VWDE: variants seen among roughly 807,000 people sequenced by gnomAD.
VWDE encodes von Willebrand factor D and EGF domains, also known as von Willebrand factor D and EGF domain-containing protein.
VWDE carries 207 observed loss-of-function variants against 178.4 expected under a neutral mutation model. The ratio of observed to expected loss-of-function variants is 1.16; its 90% CI spans 1.04 to 1.30. The LOEUF (loss-of-function observed/expected upper bound fraction) is 1.30, where lower values mean the gene tolerates loss of function less well. Among genes scored for constraint, VWDE ranks in the 50% most tolerant of loss-of-function variants. The probability of loss-of-function intolerance (pLI) is 0.00; values close to 1 mark genes in which losing one functional copy is unlikely to be tolerated. For missense variants in VWDE, 2,287 were observed against 1,901.3 expected (o/e 1.20, Z -3.77); for synonymous variants, 738 against 651.4 (o/e 1.13, Z -2.02).
chr7:12,345,979 A>G (rs1020145167), intron 19 of VWDE, among the ~76,000 whole-genome samples: 1 of 152,142 alleles, frequency 6.6e-6, no homozygotes, highest in Non-Finnish European at 1.5e-5. Context: ...CCAAAAAATA[A>G]AAAACGTTAG....
intron 13 of VWDE, among the ~76,000 whole-genome samples, chr7:12,366,233 A>C (rs1782853580): frequency 6.6e-6 from 1 of 152,126 alleles, no homozygotes; most frequent in East Asian, 1.9e-4. Context: ...AAATGGACTA[A>C]TACAGTTCTG....
In VWDE at chr7:12,344,604, G is replaced by C. The variant is rs1287673960; in HGVS notation, c.3887-135C>G. 4.5e-6 allele frequency: 3 copies of C among 665,442 alleles called. No homozygotes were observed. The East Asian group carries it at 8.3e-5, about 18-fold the overall frequency. The allele number at this position is 665,442 out of a possible 1,614,324, so 41.2% of individuals were successfully genotyped here. A position where few individuals can be genotyped will look rare whatever the true frequency, so the allele number is the denominator to read the frequency against. ...TAATAGTCCCTCTAGATAATACTGA[G>C]AACGTAAGAATACTCCAACAACTCT... is the stretch of plus-strand genomic sequence containing the variant. On this transcript the variant is annotated intron_variant, in intron 19 of 28. Transcript: ENST00000275358.
chr7:12,334,070 C>G (rs1029258954), intron 27 of VWDE, among the ~76,000 whole-genome samples: 1 of 152,062 alleles, frequency 6.6e-6, no homozygotes, highest in Non-Finnish European at 1.5e-5. Flanking sequence ...TCATACATTT[C>G]TTACTTGAAA....
At chr7:12,389,406 C>T (rs1374172627) in intron 2 of VWDE, 48 bp from the exon 3 acceptor site, 1 of 1,361,150 alleles carries the variant, frequency 7.3e-7, no homozygotes, top group Non-Finnish European at 1.0e-6. Context: ...TTATTTTCAT[C>T]CATTGTAGAT....
At chr7:12,394,094 CACAGGACCT>C (rs1242965470) in intron 1 of VWDE, among the ~76,000 whole-genome samples, 3 of 152,156 alleles carry the variant, frequency 2.0e-5, no homozygotes, top group African/African-American at 7.2e-5. Context: ...GATGTCAAGT[CACAGGACCT>C]ACAAGGATTT....
intron 9 of VWDE, among the ~76,000 whole-genome samples, chr7:12,373,696 G>A (rs1449063134): frequency 6.6e-6 from 1 of 151,610 alleles, no homozygotes; most frequent in Non-Finnish European, 1.5e-5. Context: ...CTTCCCCTTT[G>A]CAAAAGCCAG....
intron 13 of VWDE, among the ~76,000 whole-genome samples, chr7:12,362,739 T>C (rs2128553705): frequency 6.6e-6 from 1 of 152,172 alleles, no homozygotes; most frequent in African/African-American, 2.4e-5. Flanking sequence ...AGAAATTACG[T>C]TTTTGAAGAT....
At chr7:12,379,920 C>G (rs748122820) in intron 5 of VWDE, among the ~76,000 whole-genome samples, 231 of 151,996 alleles carry the variant, frequency 1.5e-3, no homozygotes, top group Middle Eastern at 0.01. Flanking sequence ...TGTGAAACCC[C>G]GTCTCTACTG....
intron 3 of VWDE, among the ~76,000 whole-genome samples, chr7:12,387,642 A>G (rs908885182): frequency 1.5e-4 from 23 of 152,124 alleles, no homozygotes; most frequent in Admixed American, 9.8e-4. Flanking sequence ...TTTAACTACT[A>G]TAATAACCAA....
intron 1 of VWDE, among the ~76,000 whole-genome samples, chr7:12,395,014 T>A (rs1250980349): frequency 6.6e-6 from 1 of 152,142 alleles, no homozygotes; most frequent in Non-Finnish European, 1.5e-5. Context: ...CTGCTTTTTA[T>A]TTTGTTTGTA....
At chr7:12,356,575 A>G (rs1782265026) in intron 17 of VWDE, among the ~76,000 whole-genome samples, 1 of 152,204 alleles carries the variant, frequency 6.6e-6, no homozygotes, top group African/African-American at 2.4e-5. Context: ...TTCTAAAAAA[A>G]AAGTTACAAG....
intron 18 of VWDE, among the ~76,000 whole-genome samples, chr7:12,353,519 T>A (rs899480553): frequency 2.6e-5 from 4 of 152,244 alleles, no homozygotes; most frequent in African/African-American, 9.6e-5. Context: ...CTTTCTCTCA[T>A]CATGCTAAAA....
At chr7:12,372,606 C>A (rs1462522939) in intron 10 of VWDE, among the ~76,000 whole-genome samples, 1 of 152,038 alleles carries the variant, frequency 6.6e-6, no homozygotes, top group African/African-American at 2.4e-5. Context: ...TATTCTATTA[C>A]ACTTATCTAC....
intron 13 of VWDE, 129 bp from the exon 14 acceptor site, chr7:12,361,650 C>A (rs1782587875): frequency 4.9e-6 from 4 of 809,766 alleles, no homozygotes; most frequent in Non-Finnish European, 7.1e-6. Context: ...AACAGGGAAA[C>A]AAAAGTCACA....
At chr7:12,333,244 A>G (rs1243335307) in intron 28 of VWDE, among the ~76,000 whole-genome samples, 1 of 152,174 alleles carries the variant, frequency 6.6e-6, no homozygotes, top group Non-Finnish European at 1.5e-5. Flanking sequence ...TACATTGGAC[A>G]GTTGTATCTA....
chr7:12,370,545 G>A, intron 11 of VWDE, 36 bp from the exon 12 acceptor site: 3 of 1,527,674 alleles, frequency 2.0e-6, no homozygotes, highest in South Asian at 2.5e-5. Context: ...TAGTAATTTT[G>A]TACATAAACA....
In VWDE at chr7:12,351,672, CCA is replaced by C. The variant is rs1348032660; in HGVS notation, c.3785_3786del (p.Val1262GlyfsTer6). On this transcript the variant is annotated frameshift_variant, in exon 19 of 29. Transcript: ENST00000275358. LOFTEE classifies it high-confidence loss of function. ...ACACTTTTATCAGATCTTGTGAGAA[CCA>C]CAGTTTGTGTAGTAAATTGATTTAC... ...QFVNQFTTQT[V>X]VLTRSDKSVN... 2 of 1,549,020 alleles carry C rather than the reference CCA, an allele frequency of 1.3e-6. No homozygotes were observed. Among genetic ancestry groups the C allele is most frequent in the Non-Finnish European group, 1.7e-6 (2 of 1,145,986 alleles).
chr7:12,377,627 G>A (rs924524047), intron 7 of VWDE, 149 bp downstream of exon 7: 22 of 429,734 alleles, frequency 5.1e-5, no homozygotes, highest in South Asian at 1.2e-4. Flanking sequence ...CAGTTTGGCC[G>A]AGTATTAGTA....
intron 17 of VWDE, 105 bp downstream of exon 17, chr7:12,357,160 T>C: frequency 7.4e-7 from 1 of 1,360,396 alleles, no homozygotes; most frequent in South Asian, 1.5e-5. Context: ...GTTTAATAAC[T>C]TTGTTGCTCT....
Sources: gnomAD v4.1 joint callset for allele counts (sites outside exome capture counted in the v4.1 genomes callset) on GRCh38, gnomAD v4.1.1 for gene constraint, MANE v1.5 for transcripts, NCBI Gene and HGNC (gene_info 2026-07-23, HGNC 2026-07-21) for gene names.